The following MAP2K6 variants were observed in gnomAD, a reference collection of about 807,000 sequenced individuals.
MAP2K6 encodes the protein dual specificity mitogen-activated protein kinase kinase 6.
In MAP2K6, 16 loss-of-function variants were observed where a neutral mutation model predicts 53.7. The ratio of observed to expected loss-of-function variants is 0.30; its 90% confidence interval spans 0.20 to 0.45. The LOEUF is 0.45. Among genes scored for constraint, MAP2K6 ranks in the 20% least tolerant of loss-of-function variants. MAP2K6 has a pLI of 1.00. For missense variants in MAP2K6, 204 were observed against 411.9 expected, an observed-to-expected ratio of 0.50 and a Z score of 4.37; for synonymous variants, 132 against 143.1, an observed-to-expected ratio of 0.92 and a Z score of 0.55.
chr17:69,503,755 T>A (rs1909299287), intron 1 of MAP2K6, among the ~76,000 whole-genome samples: 1 of 152,238 alleles, frequency 6.6e-6, no homozygotes, highest in African/African-American at 2.4e-5. Flanking sequence ...TTTCCCTAAA[T>A]GAATCTAATT....
At chr17:69,493,420 G>A (rs1472571401) in intron 1 of MAP2K6, among the ~76,000 whole-genome samples, 1 of 152,120 alleles carries the variant, frequency 6.6e-6, no homozygotes, top group African/African-American at 2.4e-5. Flanking sequence ...GACTTGAACA[G>A]GGAGTTCACA....
chr17:69,475,065 G>A (rs763864872), intron 1 of MAP2K6, among the ~76,000 whole-genome samples: 1 of 151,928 alleles, frequency 6.6e-6, no homozygotes, highest in Non-Finnish European at 1.5e-5. Flanking sequence ...TCAAAGCAGA[G>A]TGTAATAAAT....
chr17:69,494,203 AG>A lies in MAP2K6; in HGVS notation c.17-11576del, dbSNP rs142626124. 0.014 allele frequency among the ~76,000 whole-genome samples: 2,069 copies of A among 152,330 alleles called. 49 individuals are homozygous for A. Among genetic ancestry groups the A allele is most frequent in the African/African-American group, 0.046 (1,908 of 41,570 alleles). On this transcript the variant is annotated intron_variant, in intron 1 of 11. Transcript: ENST00000590474. This position sits in a 1 kb window ranked among gnomAD's most constrained non-coding sequence, Gnocchi z 4.2. Reference sequence around the variant, plus strand: ...GAGGAGAGGAAAGGGAGAGGCAAAAAGAAATGGAGGGAGGTCAGGTGCAGTG... The same window carrying A: ...GAGGAGAGGAAAGGGAGAGGCAAAAAAAATGGAGGGAGGTCAGGTGCAGTG...
chr17:69,530,862 G>T (rs1404330886), intron 10 of MAP2K6, among the ~76,000 whole-genome samples: 1 of 152,070 alleles, frequency 6.6e-6, no homozygotes, highest in Non-Finnish European at 1.5e-5. Context: ...GATTTTACTT[G>T]TTTGATTACT....
intron 1 of MAP2K6, among the ~76,000 whole-genome samples, chr17:69,500,973 G>T (rs1051679349): frequency 6.6e-6 from 1 of 152,036 alleles, no homozygotes; most frequent in African/African-American, 2.4e-5. Flanking sequence ...TGCTTCGTTC[G>T]TTGCTTTGCA....
chr17:69,508,296 A>T (rs1909634377), intron 2 of MAP2K6, among the ~76,000 whole-genome samples: 1 of 150,964 alleles, frequency 6.6e-6, no homozygotes, highest in African/African-American at 2.4e-5. Context: ...CGAACTCCTG[A>T]TCTTAGATGA....
chr17:69,519,327 A>G lies in MAP2K6; in HGVS notation c.261A>G (p.Thr87=), dbSNP rs752857870. ...TTTCCATTCAGCGGATCCGAGCCAC[A>G]GTAAATAGCCAGGAACAGAAACGGC... ...QIMAVKRIRA[T]VNSQEQKRLL... is the part of the protein sequence containing the mutation. The change falls in exon 5 of 12, where the codon ACA becomes ACG. Residue 87 remains threonine, a synonymous_variant. Coordinates refer to ENST00000590474, the MANE Select transcript of MAP2K6 (RefSeq NM_002758.4). 6.2e-6 allele frequency: 10 copies of G among 1,613,752 alleles called. No individual in the cohort carries two copies. The African/African-American group carries it at 9.3e-5, about 15-fold the overall frequency.
At chr17:69,449,336 TAA>T (rs1907088528) in intron 1 of MAP2K6, among the ~76,000 whole-genome samples, 1 of 151,700 alleles carries the variant, frequency 6.6e-6, no homozygotes, top group South Asian at 2.1e-4. Flanking sequence ...GTAAAGGCTT[TAA>T]AAAAGAAGTG....
At chr17:69,472,580 T>C (rs1908016731) in intron 1 of MAP2K6, among the ~76,000 whole-genome samples, 1 of 152,090 alleles carries the variant, frequency 6.6e-6, no homozygotes, top group African/African-American at 2.4e-5. Flanking sequence ...TGAGGGTGGG[T>C]GCACCCTGAG....
chr17:69,489,176 C>T (rs532711802), intron 1 of MAP2K6, among the ~76,000 whole-genome samples: 5 of 146,890 alleles, frequency 3.4e-5, no homozygotes, highest in East Asian at 2.0e-4. Flanking sequence ...GCTGAGATTG[C>T]GCCATTGCAC....
intron 2 of MAP2K6, among the ~76,000 whole-genome samples, chr17:69,512,328 G>GTTTTTTTGTTTTTT (rs1909869490): frequency 1.3e-5 from 1 of 75,184 alleles, no homozygotes; most frequent in African/African-American, 4.9e-5. Flanking sequence ...CTTTCTAAGT[G>GTTTTTTTGTTTTTT]TTTTTTTTTT....
chr17:69,502,479 G>A (rs1438828490), intron 1 of MAP2K6: 6 of 985,268 alleles, frequency 6.1e-6, no homozygotes, highest in Non-Finnish European at 7.2e-6. Context: ...TGATGTAAAC[G>A]TGAAGGCAGA....
chr17:69,504,644 C>T (rs978648810), intron 1 of MAP2K6: 20 of 152,436 alleles, frequency 1.3e-4, no homozygotes, highest in African/African-American at 4.6e-4. Context: ...TGCAAAGAGA[C>T]ACAGGATCTC....
At position 69,520,385 on chromosome 17, in the gene MAP2K6, C is replaced by T; in HGVS notation, c.482C>T (p.Ser161Phe). 1 of 1,562,142 alleles carries T rather than the reference C, an allele frequency of 6.4e-7. No homozygotes were observed. The highest frequency in any genetic ancestry group is 1.1e-5 in the South Asian group (1 of 87,850). Reference sequence around the variant, plus strand: ...GACATCTTAGGGAAAATAGCAGTTTCTGTGAGTACATTTTGATCCCTACTG... The same window carrying T: ...GACATCTTAGGGAAAATAGCAGTTTTTGTGAGTACATTTTGATCCCTACTG... Reference protein sequence around the residue: ...PEDILGKIAVSIVKALEHLHS... With the variant: ...PEDILGKIAVFIVKALEHLHS... Residue 161 changes from serine to phenylalanine, a missense_variant and splice_region_variant, in exon 6 of 12, where the codon TCT becomes TTT. Ser to Phe is a radical substitution (Grantham distance 155). Transcript: ENST00000590474.
At chr17:69,500,575 T>C (rs1909124066) in intron 1 of MAP2K6, among the ~76,000 whole-genome samples, 1 of 148,922 alleles carries the variant, frequency 6.7e-6, no homozygotes, top group East Asian at 2.0e-4. Flanking sequence ...ACCAACATGG[T>C]GAAACCCCAT....
intron 1 of MAP2K6, among the ~76,000 whole-genome samples, chr17:69,498,324 A>C (rs1340458135): frequency 6.6e-6 from 1 of 152,214 alleles, no homozygotes; most frequent in Non-Finnish European, 1.5e-5. Flanking sequence ...ACAACTTTAC[A>C]TAGACATGTG....
At chr17:69,507,355 T>C (rs1213076404) in intron 2 of MAP2K6, among the ~76,000 whole-genome samples, 7 of 150,898 alleles carry the variant, frequency 4.6e-5, no homozygotes, top group South Asian at 4.2e-4. Context: ...TGTGTGTGTG[T>C]GCACGTGTAG....
intron 1 of MAP2K6, among the ~76,000 whole-genome samples, chr17:69,501,916 A>ATG (rs1555607627): frequency 9.9e-6 from 1 of 100,608 alleles, no homozygotes; most frequent in Non-Finnish European, 2.0e-5. Context: ...GCTCCCTCCC[A>ATG]TGTTTTTTTT....
At chr17:69,503,921 C>T (rs1181678820) in intron 1 of MAP2K6, among the ~76,000 whole-genome samples, 3 of 152,118 alleles carry the variant, frequency 2.0e-5, no homozygotes, top group African/African-American at 7.2e-5. Context: ...TTGCGTGATG[C>T]GTGGAAGAAC....
Sources: gnomAD v4.1 joint callset for allele counts (sites outside exome capture counted in the v4.1 genomes callset) on GRCh38, gnomAD v4.1.1 for gene constraint, Gnocchi (gnomAD v3.1) non-coding constraint, MANE v1.5 for transcripts, NCBI Gene and HGNC (gene_info 2026-07-23, HGNC 2026-07-21) for gene names.